The following CLEC2A variants were observed in gnomAD, a reference collection of about 807,000 sequenced individuals.
CLEC2A encodes C-type lectin domain family 2 member A.
Under a neutral mutation model 18.6 loss-of-function variants are expected in CLEC2A, and 19 were observed. The observed-to-expected ratio is 1.02, with a 90% CI of 0.71 to 1.50. The LOEUF is 1.50. Ranked by LOEUF, CLEC2A falls within the 40% of genes most tolerant of loss-of-function variation. The pLI, the probability that CLEC2A is intolerant of heterozygous loss-of-function variation, is 0.00. For missense variants in CLEC2A, 190 were observed against 207.9 expected (o/e 0.91, Z 0.53); for synonymous variants, 74 against 64.0 (o/e 1.16, Z -0.75).
chr12:9,880,715 C>T, the CLEC2A span, among the ~76,000 whole-genome samples: 1 of 152,090 alleles, frequency 6.6e-6, no homozygotes, highest in Non-Finnish European at 1.5e-5. Context: ...AGTCTGAAGG[C>T]CATTGCTGGA....
the CLEC2A span, among the ~76,000 whole-genome samples, chr12:9,886,763 CAAA>C: frequency 9.0e-4 from 93 of 103,502 alleles, no homozygotes; most frequent in Middle Eastern, 5.4e-3. Context: ...CTATATCATG[CAAA>C]AAAAAAAAAA....
the CLEC2A span, chr12:9,892,903 C>CAA: frequency 0.056 from 43,244 of 769,072 alleles, 143 homozygotes; most frequent in Non-Finnish European, 0.062. Context: ...TTTTATTGAC[C>CAA]AAAAAAAAAA....
the CLEC2A span, among the ~76,000 whole-genome samples, chr12:9,879,118 A>T: frequency 1.2e-3 from 190 of 152,270 alleles, no homozygotes; most frequent in African/African-American, 4.5e-3. Context: ...AATCTGTGAC[A>T]ATGATTAGCT....
At chr12:9,911,305 G>A (rs143434399), downstream of CLEC2A, among the ~76,000 whole-genome samples, 1 of 152,286 alleles carries the variant, frequency 6.6e-6, no homozygotes, top group East Asian at 1.9e-4. Context: ...CAGGAGGGCT[G>A]TTTGCAGGCT....
downstream of CLEC2A, among the ~76,000 whole-genome samples, chr12:9,898,023 A>C (rs1190944420): frequency 6.6e-6 from 1 of 152,248 alleles, no homozygotes; most frequent in Non-Finnish European, 1.5e-5. Flanking sequence ...CTGGCAATAA[A>C]GTACTAAAAT....
chr12:9,927,661 G>GC (rs1863297767), intron 1 of CLEC2A, among the ~76,000 whole-genome samples: 1 of 152,118 alleles, frequency 6.6e-6, no homozygotes, highest in Non-Finnish European at 1.5e-5. Flanking sequence ...AAAGTTACTA[G>GC]TTTTCATGAT....
chr12:9,900,436 C>T (rs1247485672), intron 4 of CLEC2A, among the ~76,000 whole-genome samples: 1 of 152,084 alleles, frequency 6.6e-6, no homozygotes, highest in Non-Finnish European at 1.5e-5. Flanking sequence ...AAAAAATCAT[C>T]CTAAGACTGA....
At chr12:9,905,390 TG>T (rs2137020282) in intron 4 of CLEC2A, among the ~76,000 whole-genome samples, 1 of 152,350 alleles carries the variant, frequency 6.6e-6, no homozygotes, top group African/African-American at 2.4e-5. Context: ...GTGGCGTCTG[TG>T]CTAATAGGCC....
At chr12:9,920,513 C>T (rs1029143699) in intron 3 of CLEC2A, among the ~76,000 whole-genome samples, 3 of 152,214 alleles carry the variant, frequency 2.0e-5, no homozygotes, top group African/African-American at 7.2e-5. Flanking sequence ...TCCCCTGGCT[C>T]CATGTCGTTC....
downstream of CLEC2A, among the ~76,000 whole-genome samples, chr12:9,893,787 C>A (rs947207679): frequency 2.6e-5 from 4 of 151,796 alleles, no homozygotes; most frequent in Non-Finnish European, 5.9e-5. Context: ...ATTTTGTCAC[C>A]TGGCAGTTTA....
the CLEC2A span, among the ~76,000 whole-genome samples, chr12:9,887,051 T>C: frequency 6.6e-6 from 1 of 151,844 alleles, no homozygotes; most frequent in East Asian, 1.9e-4. Flanking sequence ...ATATCTGAGA[T>C]GGAAAATCAA....
rs897849297 is a variant in CLEC2A at position 9,901,237 on chromosome 12, C to T, written c.411-2261G>A. ...TACAGTTTTCTTTATTCCAATGTCA[C>T]AATCTCTAAAGTTATCAGAGATCTG... On this transcript the variant is annotated intron_variant, in intron 4 of 4. Transcript: ENST00000339766. 5.3e-5 allele frequency among the ~76,000 whole-genome samples: 8 copies of T among 152,158 alleles called. No homozygotes were observed. The South Asian group carries it at 1.7e-3, about 32-fold the overall frequency.
At chr12:9,886,890 T>G in the CLEC2A span, among the ~76,000 whole-genome samples, 1 of 151,882 alleles carries the variant, frequency 6.6e-6, no homozygotes, top group East Asian at 1.9e-4. Context: ...CTTGTTTTGG[T>G]TTTGGAGTGA....
At chr12:9,905,739 A>G (rs1385117710) in intron 4 of CLEC2A, among the ~76,000 whole-genome samples, 3 of 152,152 alleles carry the variant, frequency 2.0e-5, no homozygotes, top group Non-Finnish European at 4.4e-5. Context: ...GGCTTTTTCA[A>G]AACATGTACA....
At chr12:9,926,970 T>C (rs1483445280) in intron 1 of CLEC2A, among the ~76,000 whole-genome samples, 5 of 152,168 alleles carry the variant, frequency 3.3e-5, no homozygotes, top group Non-Finnish European at 5.9e-5. Context: ...AATGATAAAG[T>C]AATTGTAGCT....
chr12:9,883,654 T>A, the CLEC2A span, among the ~76,000 whole-genome samples: 1 of 152,216 alleles, frequency 6.6e-6, no homozygotes, highest in Non-Finnish European at 1.5e-5. Flanking sequence ...TAAGTAGAAG[T>A]CTTTCCATAT....
chr12:9,887,767 C>A, the CLEC2A span, among the ~76,000 whole-genome samples: 1 of 139,338 alleles, frequency 7.2e-6, no homozygotes, highest in African/African-American at 2.7e-5. Flanking sequence ...AAAATAAGAT[C>A]AAGACTAGGC....
intron 4 of CLEC2A, among the ~76,000 whole-genome samples, chr12:9,902,044 C>T (rs756629109): frequency 1.3e-5 from 2 of 152,214 alleles, no homozygotes; most frequent in African/African-American, 4.8e-5. Flanking sequence ...TCCTTTATCC[C>T]GAGGCCAAAG....
downstream of CLEC2A, chr12:9,895,587 G>T: frequency 9.3e-7 from 1 of 1,075,684 alleles, no homozygotes; most frequent in East Asian, 2.8e-5. Context: ...CAAAACTTTG[G>T]CTGCTGAAGA....
Sources: allele counts gnomAD v4.1 joint callset (sites outside exome capture counted in the v4.1 genomes callset), GRCh38; gene constraint gnomAD v4.1.1; transcripts MANE v1.5; gene names NCBI Gene and HGNC (gene_info 2026-07-23, HGNC 2026-07-21).